Variants in POU3F3 observed in about 807,000 individuals in gnomAD.
The protein encoded by POU3F3 is POU class 3 homeobox 3, also known as POU domain, class 3, transcription factor 3.
POU3F3 carries 1 observed loss-of-function variant against 8.6 expected under a neutral mutation model. The observed-to-expected ratio is 0.12, with a 90% CI of 0.04 to 0.55. The LOEUF is 0.55. Among genes scored for constraint, POU3F3 ranks in the 20% least tolerant of loss-of-function variants. The pLI is 0.91. For missense variants in POU3F3, 577 were observed against 690.7 expected (o/e 0.84, Z 1.84); for synonymous variants, 418 against 327.4 (o/e 1.28, Z -2.99).
At chr2:104,871,387 G>A in the POU3F3 span, among the ~76,000 whole-genome samples, 1 of 152,120 alleles carries the variant, frequency 6.6e-6, no homozygotes, top group Admixed American at 6.5e-5. Context: ...GGGAAGGAGT[G>A]CGGTAAAAAT....
the POU3F3 span, among the ~76,000 whole-genome samples, chr2:104,885,994 A>C: frequency 1.3e-5 from 2 of 152,002 alleles, no homozygotes; most frequent in African/African-American, 4.8e-5. Context: ...ACGGGGTTTC[A>C]CCATGTTGGC....
the POU3F3 span, among the ~76,000 whole-genome samples, chr2:104,904,717 C>G: frequency 2.0e-5 from 3 of 152,148 alleles, no homozygotes; most frequent in South Asian, 2.1e-4. Flanking sequence ...ACATCAGTTC[C>G]TGTCCTTTAC....
At chr2:104,927,022 G>A in the POU3F3 span, among the ~76,000 whole-genome samples, 15 of 152,100 alleles carry the variant, frequency 9.9e-5, no homozygotes, top group South Asian at 2.1e-4. Flanking sequence ...GTGGATGGGC[G>A]CAACAAACCA....
rs1023062604 is a variant in POU3F3, at chr2:104,857,091, G to T, written c.*78G>T. 2.2e-4 allele frequency: 209 copies of T among 968,472 alleles called. No individual in the cohort carries two copies. Among genetic ancestry groups the T allele is most frequent in the Non-Finnish European group, 2.4e-4 (193 of 818,070 alleles). The allele number at this position is 968,472 out of a possible 1,614,324, so 60.0% of individuals were successfully genotyped here. A position where few individuals can be genotyped will look rare whatever the true frequency, so the allele number is the denominator to read the frequency against. ...CGTCAGCACCGCCGCCGCCCCTGCC[G>T]CCGCCGCCGCCGCCGCCGCCGCCGC... is the stretch of plus-strand genomic sequence containing the variant. On this transcript the variant is annotated 3_prime_UTR_variant, in exon 1 of 1. Transcript: ENST00000361360.
rs1189939233 is a variant in POU3F3, at chr2:104,854,984, G to A, written c.-527G>A. On this transcript the variant is annotated 5_prime_UTR_variant, in exon 1 of 1. Coordinates refer to ENST00000361360, the MANE Select transcript of POU3F3 (RefSeq NM_006236.3). This position sits in a 1 kb window ranked among gnomAD's most constrained non-coding sequence, Gnocchi z 4.5. ...AACCTTCACTTAGCAGGTGGACGGAGCCCCGCGACCGGGCAGAGTCCGGGC... is the reference window on the plus strand; with the variant it reads ...AACCTTCACTTAGCAGGTGGACGGAACCCCGCGACCGGGCAGAGTCCGGGC... Among the ~76,000 whole-genome samples the A allele has an allele frequency of 6.6e-6, 1 of 152,202 alleles. No homozygotes were observed. Among genetic ancestry groups the A allele is most frequent in the Non-Finnish European group, 1.5e-5 (1 of 68,020 alleles).
chr2:104,918,828 T>A, the POU3F3 span, among the ~76,000 whole-genome samples: 1 of 151,768 alleles, frequency 6.6e-6, no homozygotes, highest in Admixed American at 6.6e-5. Context: ...CCTGCCCCGA[T>A]CTGCAAAGAG....
the POU3F3 span, among the ~76,000 whole-genome samples, chr2:104,877,049 TAC>T: frequency 4.0e-5 from 6 of 150,326 alleles, no homozygotes; most frequent in Non-Finnish European, 7.4e-5. Context: ...GACTGTGGTA[TAC>T]ACACACACAC....
At chr2:104,899,831 A>G in the POU3F3 span, among the ~76,000 whole-genome samples, 6 of 152,216 alleles carry the variant, frequency 3.9e-5, no homozygotes, top group Non-Finnish European at 8.8e-5. Flanking sequence ...GATGCCATGC[A>G]TGGCCAACAG....
At chr2:104,920,788 A>G in the POU3F3 span, among the ~76,000 whole-genome samples, 1 of 152,118 alleles carries the variant, frequency 6.6e-6, no homozygotes, top group African/African-American at 2.4e-5. Context: ...ATAAATAGGC[A>G]TTCATTCTCA....
the POU3F3 span, among the ~76,000 whole-genome samples, chr2:104,871,825 C>G: frequency 6.6e-6 from 1 of 152,158 alleles, no homozygotes; most frequent in Non-Finnish European, 1.5e-5. Flanking sequence ...CAAAAAGAAA[C>G]TCAATGCTCA....
At chr2:104,876,820 G>A in the POU3F3 span, among the ~76,000 whole-genome samples, 67 of 152,292 alleles carry the variant, frequency 4.4e-4, 1 homozygote, top group African/African-American at 1.4e-3. Context: ...CAGAGACCTC[G>A]ACCTCCCTTC....
chr2:104,890,418 T>C, the POU3F3 span, among the ~76,000 whole-genome samples: 106 of 152,304 alleles, frequency 7.0e-4, no homozygotes, highest in South Asian at 3.3e-3. Context: ...GCACAAGGTT[T>C]GTCCTTCCTT....
At position 104,855,834 on chromosome 2, in the gene POU3F3, CGCCGCT is replaced by C. The variant is rs755018949; in HGVS notation, c.330_335del (p.Ala114_Ala115del). 5 of 1,109,864 alleles carry C rather than the reference CGCCGCT, an allele frequency of 4.5e-6. No individual in the cohort carries two copies. Among genetic ancestry groups the C allele is most frequent in the Middle Eastern group, 3.6e-4 (1 of 2,756 alleles). The allele number at this position is 1,109,864 out of a possible 1,614,324, so 68.8% of individuals were successfully genotyped here. ...CCCTGCCCCACGCCGCCGCCGCCGC[CGCCGCT>C]GCCGCCGCCGCCGCCGTGGAGGCGA... On this transcript the variant is annotated inframe_deletion, in exon 1 of 1. Transcript: ENST00000361360.
At position 104,855,087 on chromosome 2, in the gene POU3F3, GGCGAGCCCCGCTGGA is replaced by G. The variant is rs1401794908; in HGVS notation, c.-415_-401del. On this transcript the variant is annotated 5_prime_UTR_variant, in exon 1 of 1. Transcript: ENST00000361360. ...CCGAGTGCAGGTCCCCGCCCCGCCC[GGCGAGCCCCGCTGGA>G]GCGAGCCCAGCGCGCCGGGGCTGGG... is the stretch of plus-strand genomic sequence containing the variant. Among the ~76,000 whole-genome samples the G allele has an allele frequency of 6.6e-6, 1 of 151,844 alleles. No individual in the cohort carries two copies. Among genetic ancestry groups the G allele is most frequent in the East Asian group, 1.9e-4 (1 of 5,130 alleles).
At chr2:104,881,381 T>A in the POU3F3 span, among the ~76,000 whole-genome samples, 2 of 152,048 alleles carry the variant, frequency 1.3e-5, no homozygotes, top group Non-Finnish European at 2.9e-5. Flanking sequence ...GCCTGGGCTG[T>A]TCTTGAACTC....
chr2:104,924,959 A>G, the POU3F3 span, among the ~76,000 whole-genome samples: 3 of 152,252 alleles, frequency 2.0e-5, no homozygotes, highest in African/African-American at 4.8e-5. Context: ...AGTAGGGAGC[A>G]TTATAGACAT....
chr2:104,921,625 G>A, the POU3F3 span, among the ~76,000 whole-genome samples: 1 of 152,120 alleles, frequency 6.6e-6, no homozygotes, highest in Admixed American at 6.5e-5. Flanking sequence ...GGATTTAATA[G>A]GCCAGTGCCC....
At chr2:104,923,512 A>C in the POU3F3 span, among the ~76,000 whole-genome samples, 1 of 152,166 alleles carries the variant, frequency 6.6e-6, no homozygotes, top group Non-Finnish European at 1.5e-5. Flanking sequence ...GTAGTTGCGA[A>C]AAATATATAG....
At chr2:104,901,407 G>A in the POU3F3 span, among the ~76,000 whole-genome samples, 4 of 152,206 alleles carry the variant, frequency 2.6e-5, no homozygotes, top group African/African-American at 9.6e-5. Flanking sequence ...AGGGCACTGA[G>A]CTGCTCCTTG....
Sources: allele counts gnomAD v4.1 joint callset (sites outside exome capture counted in the v4.1 genomes callset), GRCh38; gene constraint gnomAD v4.1.1; non-coding constraint Gnocchi (gnomAD v3.1); transcripts MANE v1.5; gene names NCBI Gene and HGNC (gene_info 2026-07-23, HGNC 2026-07-21).